SLC35A3: variants seen among roughly 807,000 people sequenced by gnomAD.
The protein encoded by SLC35A3 is UDP-N-acetylglucosamine transporter.
In SLC35A3, 26 loss-of-function variants were observed where a neutral mutation model predicts 39.0. The ratio of observed to expected loss-of-function variants is 0.67; its 90% CI spans 0.49 to 0.92. SLC35A3 has a LOEUF of 0.92. Among genes scored for constraint, SLC35A3 ranks in the 40% least tolerant of loss-of-function variants. The pLI is 0.00. For synonymous variants in SLC35A3, 135 were observed against 133.1 expected (o/e 1.01, Z -0.10); for missense variants, 299 against 371.6 (o/e 0.80, Z 1.61).
Position 99,993,711 on chromosome 1 carries a change from G to A in SLC35A3, c.157G>A (p.Ala53Thr). ...VVVAELLKIMACILLVYKDSK... is the reference protein window; with the variant it reads ...VVVAELLKIMTCILLVYKDSK... ...TGTTGCTGAACTTTTGAAGATAATG[G>A]CCTGCATTTTATTGGTCTACAAAGA... is the stretch of plus-strand genomic sequence containing the variant. Residue 53 changes from alanine (A) to threonine (T), a missense_variant, in exon 2 of 8, where the codon GCC becomes ACC. Coordinates refer to ENST00000533028, the MANE Select transcript of SLC35A3 (RefSeq NM_012243.3). 6.2e-7 allele frequency: 1 copy of A among 1,613,896 alleles called. No homozygotes were observed. The highest frequency in any genetic ancestry group is 8.5e-7 in the Non-Finnish European group (1 of 1,179,928).
chr1:100,005,193 A>G (rs1659137414), intron 3 of SLC35A3, among the ~76,000 whole-genome samples: 1 of 152,104 alleles, frequency 6.6e-6, no homozygotes, highest in Non-Finnish European at 1.5e-5. Flanking sequence ...TGCTGCTAAG[A>G]CTGATGGAGA....
intron 2 of SLC35A3, among the ~76,000 whole-genome samples, chr1:99,995,714 T>C (rs533462018): frequency 6.6e-6 from 1 of 152,296 alleles, no homozygotes; most frequent in Non-Finnish European, 1.5e-5. Flanking sequence ...TCTATGCATA[T>C]GGAGCTCAAG....
At position 100,017,687 on chromosome 1, in the gene SLC35A3, TG is replaced by T; in HGVS notation, c.761del (p.Gly254GlufsTer4). On this transcript the variant is annotated frameshift_variant, in exon 7 of 8. Transcript: ENST00000533028. LOFTEE classifies it high-confidence loss of function. ...ATATTTTTTTAAAACTTCAGGCACTTGGAGGCCTTGTAATAGCTGCTGTTAT... is the reference window on the plus strand; with the variant it reads ...ATATTTTTTTAAAACTTCAGGCACTTGAGGCCTTGTAATAGCTGCTGTTAT... ...TWIVVVLQAL[G>X]GLVIAAVIKY... 1 of 1,546,200 alleles carries T rather than the reference TG, an allele frequency of 6.5e-7. No homozygotes were observed. The highest frequency in any genetic ancestry group is 1.7e-4 in the Middle Eastern group (1 of 5,780).
rs1660253040 is a variant in SLC35A3 at position 100,017,664 on chromosome 1, A to T, written c.754-18A>T. 3.4e-6 allele frequency: 5 copies of T among 1,475,996 alleles called. No homozygotes were observed. In the African/African-American group the frequency reaches 4.3e-5, roughly 13 times the overall value. 91.4% of individuals were successfully genotyped at this position (1,475,996 alleles called of 1,614,324 possible). On this transcript the variant is annotated intron_variant, in intron 6 of 7. Transcript: ENST00000533028. ...GTTTTACATGTGTGTTTTAAAAAAT[A>T]TTTTTTTAAAACTTCAGGCACTTGG...
intron 5 of SLC35A3, among the ~76,000 whole-genome samples, 167 bp downstream of exon 5, chr1:100,011,700 T>C (rs1267273276): frequency 1.8e-5 from 2 of 113,752 alleles, no homozygotes; most frequent in Non-Finnish European, 3.8e-5. Flanking sequence ...ATTTATTTAT[T>C]TATTTATTTA....
At chr1:100,011,708 T>G (rs1266880071) in intron 5 of SLC35A3, among the ~76,000 whole-genome samples, 175 bp downstream of exon 5, 1 of 134,466 alleles carries the variant, frequency 7.4e-6, no homozygotes, top group African/African-American at 2.8e-5. Context: ...ATTTATTTAT[T>G]TATTTATTTA....
chr1:100,032,069 A>G lies in SLC35A3; in HGVS notation c.*9593A>G, dbSNP rs1039088189. The G allele has an allele frequency of 2.0e-5, 3 of 152,086 alleles. No individual in the cohort carries two copies. The highest frequency in any genetic ancestry group is 7.3e-5 in the African/African-American group (3 of 41,378). The allele number at this position is 152,086 out of a possible 1,614,324, so 9.4% of individuals were successfully genotyped here. A position where few individuals can be genotyped will look rare whatever the true frequency, so the allele number is the denominator to read the frequency against. ...GGTAAAAATATTTCACAGATTTTAT[A>G]TTGTATCATATTAAAAGGCACAGAT... On this transcript the variant is annotated 3_prime_UTR_variant, in exon 8 of 8. Coordinates refer to ENST00000533028, the MANE Select transcript of SLC35A3 (RefSeq NM_012243.3).
intron 7 of SLC35A3, among the ~76,000 whole-genome samples, chr1:100,021,834 A>G (rs553809882): frequency 3.3e-5 from 5 of 152,362 alleles, no homozygotes; most frequent in Admixed American, 3.3e-4. Context: ...AAAGCATCCT[A>G]TAAAAATTGG....
Position 100,000,484 on chromosome 1 carries a change from T to G in SLC35A3, c.342+1069T>G, listed in dbSNP as rs996847370. Reference sequence around the variant, plus strand: ...TTATGGATATTAGTTTCTTGTCACATGATTAGTGCAAATATTTTCTCCCAT... The same window carrying G: ...TTATGGATATTAGTTTCTTGTCACAGGATTAGTGCAAATATTTTCTCCCAT... On this transcript the variant is annotated intron_variant, in intron 3 of 7. Transcript: ENST00000533028. 5.3e-5 allele frequency among the ~76,000 whole-genome samples: 8 copies of G among 152,170 alleles called. No homozygotes were observed. The South Asian group carries it at 1.4e-3, about 28-fold the overall frequency.
chr1:100,004,813 C>T (rs1003933163), intron 3 of SLC35A3, among the ~76,000 whole-genome samples: 3 of 152,062 alleles, frequency 2.0e-5, no homozygotes, highest in Non-Finnish European at 2.9e-5. Context: ...AGTTATGGTG[C>T]ACTGCAGTAT....
chr1:99,984,240 TC>T (rs1249302874), intron 1 of SLC35A3, among the ~76,000 whole-genome samples: 44 of 152,336 alleles, frequency 2.9e-4, no homozygotes, highest in African/African-American at 9.9e-4. Flanking sequence ...GATAATTGAT[TC>T]CCCTGGAGGG....
At chr1:100,001,282 C>T (rs751292334) in intron 3 of SLC35A3, among the ~76,000 whole-genome samples, 2 of 151,778 alleles carry the variant, frequency 1.3e-5, no homozygotes, top group Non-Finnish European at 2.9e-5. Flanking sequence ...GTCCTGAATC[C>T]GAAGATCGCT....
At chr1:99,985,898 A>G (rs1014452820) in intron 1 of SLC35A3, among the ~76,000 whole-genome samples, 7 of 152,278 alleles carry the variant, frequency 4.6e-5, no homozygotes, top group Admixed American at 4.6e-4. Context: ...TAGGAGAGCT[A>G]CAGATTTGTG....
In SLC35A3 at chr1:100,032,372, T is replaced by C. The variant is rs1342192805; in HGVS notation, c.*9896T>C. On this transcript the variant is annotated 3_prime_UTR_variant, in exon 8 of 8. Transcript: ENST00000533028. ...ACATTTATTAGTTTATATTCTTTTT[T>C]AAAATAAAAAAGTATATTTCCCTCC... 1 of 152,144 alleles carries C rather than the reference T, an allele frequency of 6.6e-6. No individual in the cohort carries two copies. The highest frequency in any genetic ancestry group is 1.5e-5 in the Non-Finnish European group (1 of 68,032). The allele number at this position is 152,144 out of a possible 1,614,324, so 9.4% of individuals were successfully genotyped here. A position where few individuals can be genotyped will look rare whatever the true frequency, so the allele number is the denominator to read the frequency against.
In SLC35A3 at chr1:100,031,830, T is replaced by G. The variant is rs914835378; in HGVS notation, c.*9354T>G. The stretch of plus-strand genomic sequence containing the variant: ...GTCTCCTTTGGTCTTGAAGTCCCCT[T>G]CCTGCACCACCACCTGCCCCTCAAT... On this transcript the variant is annotated 3_prime_UTR_variant, in exon 8 of 8. Transcript: ENST00000533028. 2 of 152,208 alleles carry G rather than the reference T, an allele frequency of 1.3e-5. No individual in the cohort carries two copies. The highest frequency in any genetic ancestry group is 4.8e-5 in the African/African-American group (2 of 41,436). The allele number at this position is 152,208 out of a possible 1,614,324, so 9.4% of individuals were successfully genotyped here.
rs539032183 is a variant in SLC35A3 at position 99,992,088 on chromosome 1, T to G, written c.-18-1449T>G. 2.0e-5 allele frequency among the ~76,000 whole-genome samples: 3 copies of G among 152,322 alleles called. No homozygotes were observed. The East Asian group carries it at 5.8e-4, about 29-fold the overall frequency. ...TGTCTACCATGGTAATGGTGGTTGATAGTGTTCAGATTTTCTATATTCTTA... is the reference window on the plus strand; with the variant it reads ...TGTCTACCATGGTAATGGTGGTTGAGAGTGTTCAGATTTTCTATATTCTTA... On this transcript the variant is annotated intron_variant, in intron 1 of 7. Coordinates refer to ENST00000533028, the MANE Select transcript of SLC35A3 (RefSeq NM_012243.3).
chr1:100,020,019 A>G (rs1660428562), intron 7 of SLC35A3, among the ~76,000 whole-genome samples: 1 of 152,214 alleles, frequency 6.6e-6, no homozygotes, highest in Non-Finnish European at 1.5e-5. Context: ...CATGAATGAG[A>G]CACAATTTCT....
At chr1:100,015,719 A>C in intron 6 of SLC35A3, 1 of 304,522 alleles carries the variant, frequency 3.3e-6, no homozygotes, top group Non-Finnish European at 5.9e-6. Context: ...TACAAGTCTT[A>C]TCATTGTACA....
chr1:99,977,367 A>C (rs1657171071), intron 1 of SLC35A3, among the ~76,000 whole-genome samples: 1 of 150,034 alleles, frequency 6.7e-6, no homozygotes, highest in African/African-American at 2.4e-5. Flanking sequence ...AAAATACCAA[A>C]AAAAAAAAAA....
Sources: allele counts gnomAD v4.1 joint callset (sites outside exome capture counted in the v4.1 genomes callset), GRCh38; gene constraint gnomAD v4.1.1; transcripts MANE v1.5; gene names NCBI Gene and HGNC (gene_info 2026-07-23, HGNC 2026-07-21).